LUZP2: variants seen among roughly 807,000 people sequenced by gnomAD.
LUZP2 encodes the protein leucine zipper protein 2.
LUZP2 carries 52 observed loss-of-function variants against 51.6 expected under a neutral mutation model. That is an observed-to-expected ratio of 1.01 (90% CI 0.81 to 1.27). The LOEUF is 1.27. Ranked by LOEUF, LUZP2 falls within the 50% of genes most tolerant of loss-of-function variation. The pLI, the probability that LUZP2 is intolerant of heterozygous loss-of-function variation, is 0.00. For missense variants in LUZP2, 436 were observed against 395.4 expected (o/e 1.10, Z -0.87); for synonymous variants, 154 against 137.3 (o/e 1.12, Z -0.85).
chr11:24,565,358 G>A (rs1041883069), intron 1 of LUZP2, among the ~76,000 whole-genome samples: 19 of 152,120 alleles, frequency 1.2e-4, no homozygotes, highest in South Asian at 6.2e-4. Context: ...CACCTTGCAG[G>A]CAGTGAGTGC....
chr11:24,638,868 A>C (rs1855189905), intron 1 of LUZP2, among the ~76,000 whole-genome samples: 1 of 151,728 alleles, frequency 6.6e-6, no homozygotes, highest in Admixed American at 6.6e-5. Flanking sequence ...AAATATTAAC[A>C]AAGAAAAGAC....
intron 9 of LUZP2, among the ~76,000 whole-genome samples, chr11:24,992,160 G>A (rs1366356523): frequency 6.6e-6 from 1 of 151,944 alleles, no homozygotes; most frequent in Non-Finnish European, 1.5e-5. Context: ...TAGCCTGTGA[G>A]CTCCTCATAA....
At chr11:24,743,908 TG>T (rs1036530237) in intron 4 of LUZP2, among the ~76,000 whole-genome samples, 2 of 152,084 alleles carry the variant, frequency 1.3e-5, no homozygotes, top group African/African-American at 4.8e-5. Context: ...AAAGGGACGC[TG>T]GGTTTTGGAG....
intron 5 of LUZP2, among the ~76,000 whole-genome samples, chr11:24,878,353 T>C (rs1413507084): frequency 6.6e-6 from 1 of 152,100 alleles, no homozygotes; most frequent in African/African-American, 2.4e-5. Flanking sequence ...CTCAGCTCTT[T>C]AAGTATGTCA....
At chr11:24,723,385 C>T (rs557670002) in intron 1 of LUZP2, among the ~76,000 whole-genome samples, 1 of 152,274 alleles carries the variant, frequency 6.6e-6, no homozygotes, top group East Asian at 1.9e-4. Context: ...CCAGCATAAA[C>T]GTGTTTATAT....
chr11:24,588,014 C>T (rs190502331), intron 1 of LUZP2, among the ~76,000 whole-genome samples: 1 of 152,080 alleles, frequency 6.6e-6, no homozygotes, highest in Non-Finnish European at 1.5e-5. Flanking sequence ...TGTAGAGAAA[C>T]ACAGAAAACT....
At chr11:24,762,698 A>G (rs1387271637) in intron 4 of LUZP2, among the ~76,000 whole-genome samples, 5 of 152,098 alleles carry the variant, frequency 3.3e-5, no homozygotes, top group African/African-American at 9.7e-5. Flanking sequence ...AGGTAATGCT[A>G]TTTTTAGGAA....
chr11:24,985,850 A>C (rs1259032302), intron 9 of LUZP2, among the ~76,000 whole-genome samples: 1 of 151,742 alleles, frequency 6.6e-6, no homozygotes, highest in African/African-American at 2.4e-5. Context: ...ATTAGATTAG[A>C]TATCATCACA....
intron 1 of LUZP2, among the ~76,000 whole-genome samples, chr11:24,666,570 A>G (rs1590320508): frequency 1.3e-5 from 2 of 152,082 alleles, no homozygotes; most frequent in South Asian, 4.1e-4. Flanking sequence ...TGAATGCAGG[A>G]GCTATTCTCA....
At chr11:24,903,636 C>T (rs185752372) in intron 5 of LUZP2, among the ~76,000 whole-genome samples, 39 of 152,252 alleles carry the variant, frequency 2.6e-4, no homozygotes, top group Admixed American at 6.5e-4. Flanking sequence ...ACTGTCCACT[C>T]CTCTAGAGTC....
intron 1 of LUZP2, among the ~76,000 whole-genome samples, chr11:24,583,546 C>T (rs1852948916): frequency 6.6e-6 from 1 of 152,076 alleles, no homozygotes; most frequent in South Asian, 2.1e-4. Flanking sequence ...TATTTGGCAC[C>T]CCATGCCCAA....
chr11:24,724,664 G>C (rs1258967504), intron 1 of LUZP2, among the ~76,000 whole-genome samples: 3 of 152,208 alleles, frequency 2.0e-5, no homozygotes, highest in Non-Finnish European at 4.4e-5. Context: ...TGTTTTGAAT[G>C]TCTTAGGCAA....
At chr11:24,812,239 T>A (rs1850044412) in intron 5 of LUZP2, among the ~76,000 whole-genome samples, 1 of 152,198 alleles carries the variant, frequency 6.6e-6, no homozygotes, top group South Asian at 2.1e-4. Context: ...TCATCCATAT[T>A]TCTATGAATA....
At chr11:24,667,877 G>A (rs1289554768) in intron 1 of LUZP2, among the ~76,000 whole-genome samples, 1 of 152,154 alleles carries the variant, frequency 6.6e-6, no homozygotes, top group African/African-American at 2.4e-5. Context: ...TCCTTTCAGA[G>A]AAATAAATTA....
intron 5 of LUZP2, among the ~76,000 whole-genome samples, chr11:24,782,776 A>T: frequency 6.6e-6 from 1 of 152,054 alleles, no homozygotes. Context: ...TCAAAAAGGA[A>T]ATAAAAGCTC....
In LUZP2 at chr11:24,793,376, C is replaced by T. The variant is rs55881269; in HGVS notation, c.396+30068C>T. Among the ~76,000 whole-genome samples, 980 of 152,230 alleles carry T rather than the reference C, an allele frequency of 6.4e-3. 4 individuals are homozygous for T. The highest frequency in any genetic ancestry group is 0.011 in the Non-Finnish European group (768 of 68,014). ...GGGCCTGAATCTGCACTCTATGGGTCTTTCCTTCACAAATAAACACACTCT... is the reference window on the plus strand; with the variant it reads ...GGGCCTGAATCTGCACTCTATGGGTTTTTCCTTCACAAATAAACACACTCT... On this transcript the variant is annotated intron_variant, in intron 5 of 11. Coordinates refer to ENST00000336930, the MANE Select transcript of LUZP2 (RefSeq NM_001009909.4).
chr11:25,023,379 A>T (rs1193299317), intron 9 of LUZP2, among the ~76,000 whole-genome samples: 2 of 151,978 alleles, frequency 1.3e-5, no homozygotes, highest in East Asian at 3.9e-4. Context: ...GGGAGGGTGT[A>T]TGTGTCCAGG....
intron 5 of LUZP2, among the ~76,000 whole-genome samples, chr11:24,809,738 C>G (rs958726196): frequency 6.6e-6 from 1 of 151,350 alleles, no homozygotes. Flanking sequence ...GATTTTTTTC[C>G]TTATGCATTT....
intron 5 of LUZP2, among the ~76,000 whole-genome samples, chr11:24,828,076 C>T (rs1165888506): frequency 2.0e-5 from 3 of 151,976 alleles, no homozygotes; most frequent in Non-Finnish European, 4.4e-5. Flanking sequence ...CAGACACACA[C>T]ACGCACAAAA....
Sources: gnomAD v4.1 joint callset for allele counts (sites outside exome capture counted in the v4.1 genomes callset) on GRCh38, gnomAD v4.1.1 for gene constraint, MANE v1.5 for transcripts, NCBI Gene and HGNC (gene_info 2026-07-23, HGNC 2026-07-21) for gene names.